The following ARK2C variants were observed in gnomAD, a reference collection of about 807,000 sequenced individuals.
The protein encoded by ARK2C is arkadia (RNF111) C-terminal like ring finger ubiquitin ligase 2C.
the ARK2C span, among the ~76,000 whole-genome samples, chr18:46,407,396 C>T: frequency 6.6e-6 from 1 of 152,128 alleles, no homozygotes; most frequent in Admixed American, 6.5e-5. Flanking sequence ...CACATGTTTT[C>T]TCTTTCTTTG....
At chr18:46,374,168 G>A in the ARK2C span, among the ~76,000 whole-genome samples, 1 of 152,114 alleles carries the variant, frequency 6.6e-6, no homozygotes, top group Non-Finnish European at 1.5e-5. Context: ...GAACGAGTCC[G>A]AGAAACTCAG....
the ARK2C span, among the ~76,000 whole-genome samples, chr18:46,426,011 A>G: frequency 6.6e-6 from 1 of 152,054 alleles, no homozygotes; most frequent in African/African-American, 2.4e-5. Flanking sequence ...CCTCTTTTAT[A>G]AGGGCAATAA....
At chr18:46,433,598 C>G in the ARK2C span, 1 of 1,169,782 alleles carries the variant, frequency 8.5e-7, no homozygotes, top group Non-Finnish European at 1.2e-6. Flanking sequence ...GAGGGCGTGG[C>G]CCGGGTGTGG....
At chr18:46,378,023 G>A in the ARK2C span, among the ~76,000 whole-genome samples, 1 of 152,140 alleles carries the variant, frequency 6.6e-6, no homozygotes, top group Non-Finnish European at 1.5e-5. Flanking sequence ...TTTGGGAAGA[G>A]GGTGAGGGGT....
At chr18:46,431,721 C>G in the ARK2C span, among the ~76,000 whole-genome samples, 3 of 152,230 alleles carry the variant, frequency 2.0e-5, no homozygotes, top group Non-Finnish European at 2.9e-5. Flanking sequence ...GAAAGAAAGT[C>G]ACTGCCTTGC....
the ARK2C span, among the ~76,000 whole-genome samples, chr18:46,407,429 T>C: frequency 2.0e-5 from 3 of 152,216 alleles, no homozygotes; most frequent in Non-Finnish European, 2.9e-5. Flanking sequence ...GTCATCATCA[T>C]TATTATTATG....
chr18:46,425,109 C>T, the ARK2C span, among the ~76,000 whole-genome samples: 3 of 152,246 alleles, frequency 2.0e-5, no homozygotes, highest in Non-Finnish European at 4.4e-5. Flanking sequence ...TGTCCCCTCC[C>T]TGTTCTGCCC....
At chr18:46,418,694 A>T in the ARK2C span, among the ~76,000 whole-genome samples, 1 of 152,254 alleles carries the variant, frequency 6.6e-6, no homozygotes, top group Non-Finnish European at 1.5e-5. Flanking sequence ...ATATTTGATG[A>T]TTGAATAAGT....
At chr18:46,344,032 G>A in the ARK2C span, among the ~76,000 whole-genome samples, 60 of 152,308 alleles carry the variant, frequency 3.9e-4, no homozygotes, top group East Asian at 0.011. Context: ...TGGGTGTGCC[G>A]CTGTGTGCAG....
chr18:46,374,275 A>G, the ARK2C span, among the ~76,000 whole-genome samples: 5 of 152,032 alleles, frequency 3.3e-5, no homozygotes, highest in Admixed American at 3.3e-4. Context: ...ATATTGTATG[A>G]TTTGCCATTT....
At chr18:46,350,664 C>T in the ARK2C span, among the ~76,000 whole-genome samples, 4 of 152,094 alleles carry the variant, frequency 2.6e-5, no homozygotes, top group Non-Finnish European at 1.5e-5. Context: ...GGCACTGACA[C>T]CTGGCTGAGG....
At chr18:46,409,452 G>A in the ARK2C span, among the ~76,000 whole-genome samples, 48 of 152,354 alleles carry the variant, frequency 3.2e-4, no homozygotes, top group African/African-American at 1.1e-3. Context: ...GACAGGGCAG[G>A]AGGAAATGAA....
the ARK2C span, among the ~76,000 whole-genome samples, chr18:46,390,437 A>G: frequency 1.3e-5 from 2 of 152,234 alleles, no homozygotes; most frequent in Non-Finnish European, 2.9e-5. Context: ...CTGACAGCCA[A>G]TGACAGTGTT....
chr18:46,443,494 G>A, the ARK2C span, among the ~76,000 whole-genome samples: 10 of 152,266 alleles, frequency 6.6e-5, no homozygotes, highest in East Asian at 1.7e-3. Flanking sequence ...CTCTATGTAT[G>A]TACAATTACC....
chr18:46,412,441 C>G, the ARK2C span, among the ~76,000 whole-genome samples: 1 of 152,254 alleles, frequency 6.6e-6, no homozygotes, highest in Admixed American at 6.5e-5. Flanking sequence ...AGCTGCCTGT[C>G]AGGCTCTGAA....
the ARK2C span, among the ~76,000 whole-genome samples, chr18:46,355,317 G>A: frequency 6.6e-6 from 1 of 152,022 alleles, no homozygotes; most frequent in African/African-American, 2.4e-5. Context: ...CATATCTGAG[G>A]GGAGCAGTGG....
the ARK2C span, chr18:46,435,382 T>C: frequency 6.2e-7 from 1 of 1,613,750 alleles, no homozygotes; most frequent in Non-Finnish European, 8.5e-7. Context: ...GGTATTTGGC[T>C]GAGGGCACTG....
At chr18:46,428,168 T>C in the ARK2C span, among the ~76,000 whole-genome samples, 1 of 151,546 alleles carries the variant, frequency 6.6e-6, no homozygotes, top group East Asian at 2.0e-4. Flanking sequence ...CCCAGCACGT[T>C]GGGAGGCCGA....
At chr18:46,422,823 C>A in the ARK2C span, among the ~76,000 whole-genome samples, 1 of 152,222 alleles carries the variant, frequency 6.6e-6, no homozygotes. Flanking sequence ...GCATGGACAT[C>A]TGCAGTGATA....
Sources: gnomAD v4.1 joint callset for allele counts (sites outside exome capture counted in the v4.1 genomes callset) on GRCh38, gnomAD v4.1.1 for gene constraint, MANE v1.5 for transcripts, NCBI Gene and HGNC (gene_info 2026-07-23, HGNC 2026-07-21) for gene names.